TENM4: variants seen among roughly 807,000 people sequenced by gnomAD.
TENM4 encodes the protein teneurin transmembrane protein 4.
TENM4 carries 82 observed loss-of-function variants against 243.3 expected under a neutral mutation model. That is an observed-to-expected ratio of 0.34 (90% CI 0.28 to 0.40). The LOEUF (loss-of-function observed/expected upper bound fraction) is 0.40, where lower values mean the gene tolerates loss of function less well. Ranked by LOEUF, TENM4 falls within the 10% of genes least tolerant of loss-of-function variation. The pLI, the probability that TENM4 is intolerant of heterozygous loss-of-function variation, is 1.00. For synonymous variants in TENM4, 1,412 were observed against 1,456.3 expected, an observed-to-expected ratio of 0.97 and a Z score of 0.69; for missense variants, 3,138 against 3,673.3, an observed-to-expected ratio of 0.85 and a Z score of 3.77.
intron 1 of TENM4, among the ~76,000 whole-genome samples, chr11:79,406,907 G>A (rs1218670009): frequency 6.6e-6 from 1 of 152,170 alleles, no homozygotes; most frequent in African/African-American, 2.4e-5. Flanking sequence ...AAGCATATCT[G>A]TATCAAAAGG....
chr11:79,065,877 A>G (rs991993939), intron 5 of TENM4, among the ~76,000 whole-genome samples: 2 of 152,208 alleles, frequency 1.3e-5, no homozygotes, highest in Non-Finnish European at 2.9e-5. Context: ...TCACTCCTGC[A>G]TGTGAATTCA....
In TENM4 at chr11:79,215,807, C is replaced by T. The variant is rs1864041992; in HGVS notation, c.-163+1G>A. On this transcript the variant is annotated splice_donor_variant, in intron 3 of 33. Transcript: ENST00000278550. LOFTEE classifies it low-confidence loss of function (5UTR_SPLICE). ...AAATCAGAGCAGACAAGGGGACTGA[C>T]CTGGCTCCATGTCAGCACGTTCTGA... 4 of 985,936 alleles carry T rather than the reference C, an allele frequency of 4.1e-6. No homozygotes were observed. The highest frequency in any genetic ancestry group is 4.8e-6 in the Non-Finnish European group (4 of 829,980). 61.1% of individuals were successfully genotyped at this position (985,936 alleles called of 1,614,324 possible).
At chr11:79,370,423 A>G (rs1050051194) in intron 1 of TENM4, among the ~76,000 whole-genome samples, 1 of 152,224 alleles carries the variant, frequency 6.6e-6, no homozygotes, top group South Asian at 2.1e-4. Context: ...CCTGGGGGAA[A>G]CCTGCACTCA....
intron 1 of TENM4, among the ~76,000 whole-genome samples, chr11:79,302,257 A>G (rs1028964291): frequency 9.9e-5 from 15 of 152,228 alleles, no homozygotes; most frequent in African/African-American, 3.6e-4. Context: ...CCTGTCTTCA[A>G]ATGTGCAGGG....
chr11:79,148,803 C>T lies in TENM4; in HGVS notation c.-159G>A. The T allele has an allele frequency of 2.1e-6, 2 of 975,096 alleles. No individual in the cohort carries two copies. The highest frequency in any genetic ancestry group is 2.4e-6 in the Non-Finnish European group (2 of 820,538). 60.4% of individuals were successfully genotyped at this position (975,096 alleles called of 1,614,324 possible). On this transcript the variant is annotated 5_prime_UTR_variant, in exon 4 of 34. Coordinates refer to ENST00000278550, the MANE Select transcript of TENM4 (RefSeq NM_001098816.3). ...AATTTGGACACATGGTAATTTCAGT[C>T]TACCTGTTGAAAGAGACAAGAGACA...
chr11:79,066,503 C>T (rs1481137288), intron 5 of TENM4, among the ~76,000 whole-genome samples: 1 of 152,210 alleles, frequency 6.6e-6, no homozygotes, highest in Admixed American at 6.5e-5. Flanking sequence ...ACCTATCACA[C>T]CTGCTGCAGA....
intron 2 of TENM4, among the ~76,000 whole-genome samples, chr11:79,254,087 C>T (rs1051493639): frequency 2.6e-5 from 4 of 152,154 alleles, no homozygotes; most frequent in Admixed American, 2.0e-4. Flanking sequence ...ATGGGAGTGT[C>T]CACTGGTGAA....
At chr11:78,920,388 T>C (rs975394883) in intron 6 of TENM4, among the ~76,000 whole-genome samples, 1 of 152,220 alleles carries the variant, frequency 6.6e-6, no homozygotes, top group Non-Finnish European at 1.5e-5. Flanking sequence ...TAATGATCTG[T>C]GGATATTAAG....
chr11:79,216,349 T>C (rs1864050555), intron 2 of TENM4, among the ~76,000 whole-genome samples: 1 of 152,054 alleles, frequency 6.6e-6, no homozygotes, highest in African/African-American at 2.4e-5. Flanking sequence ...GTGATGGGAG[T>C]AGACAAGGAA....
intron 4 of TENM4, among the ~76,000 whole-genome samples, chr11:79,079,691 T>A (rs1860617201): frequency 6.6e-6 from 1 of 152,030 alleles, no homozygotes; most frequent in South Asian, 2.1e-4. Flanking sequence ...TAGCTGGGTG[T>A]GGTGGTCCAC....
At chr11:79,057,766 C>A (rs543147294) in intron 6 of TENM4, among the ~76,000 whole-genome samples, 1 of 152,274 alleles carries the variant, frequency 6.6e-6, no homozygotes, top group East Asian at 1.9e-4. Flanking sequence ...AGCTAACTTG[C>A]AAACCTTACC....
At chr11:79,366,309 T>G (rs1301841952) in intron 1 of TENM4, among the ~76,000 whole-genome samples, 1 of 152,228 alleles carries the variant, frequency 6.6e-6, no homozygotes, top group Non-Finnish European at 1.5e-5. Context: ...AGACCCAGGC[T>G]GGTTGGGCTC....
intron 2 of TENM4, among the ~76,000 whole-genome samples, chr11:79,219,513 T>A (rs1483760402): frequency 2.0e-5 from 3 of 152,336 alleles, no homozygotes; most frequent in African/African-American, 7.2e-5. Context: ...GGTGCTTTGA[T>A]GTTATTTAGC....
chr11:78,863,012 C>T lies in TENM4; in HGVS notation c.1205G>A (p.Gly402Glu), dbSNP rs371387619. The T allele has an allele frequency of 3.6e-5, 54 of 1,520,986 alleles. No individual in the cohort carries two copies. Among genetic ancestry groups the T allele is most frequent in the Non-Finnish European group, 4.6e-5 (52 of 1,123,512 alleles). 94.2% of individuals were successfully genotyped at this position (1,520,986 alleles called of 1,614,324 possible). A position where few individuals can be genotyped will look rare whatever the true frequency, so the allele number is the denominator to read the frequency against. ...VPTDVSLYPS[G>E]GTGLETPDRK... ...GTCAGGGGTCTCTAAGCCAGTGCCC[C>T]CTGAGGGGTATAGGGAGACGTCGGT... Residue 402 changes from glycine to glutamate, a missense_variant, in exon 10 of 34, where the codon GGG becomes GAG. Physicochemically the swap from Gly to Glu is moderately conservative, Grantham distance 98. Transcript: ENST00000278550.
At chr11:79,417,041 A>C (rs1024855576) in intron 1 of TENM4, among the ~76,000 whole-genome samples, 5 of 152,342 alleles carry the variant, frequency 3.3e-5, no homozygotes, top group Non-Finnish European at 7.3e-5. Context: ...TATAACATTA[A>C]GGGCAAAACA....
At position 78,862,998 on chromosome 11, in the gene TENM4, C is replaced by G; in HGVS notation, c.1219G>C (p.Glu407Gln). 6.6e-7 allele frequency: 1 copy of G among 1,505,060 alleles called. No homozygotes were observed. Among genetic ancestry groups the G allele is most frequent in the Non-Finnish European group, 9.0e-7 (1 of 1,112,450 alleles). The allele number at this position is 1,505,060 out of a possible 1,614,324, so 93.2% of individuals were successfully genotyped here. Reference protein sequence around the residue: ...SLYPSGGTGLETPDRKGKGTT... With the variant: ...SLYPSGGTGLQTPDRKGKGTT... Reference sequence around the variant, plus strand: ...CCTTTGCCTTTCCTGTCAGGGGTCTCTAAGCCAGTGCCCCCTGAGGGGTAT... The same window carrying G: ...CCTTTGCCTTTCCTGTCAGGGGTCTGTAAGCCAGTGCCCCCTGAGGGGTAT... Residue 407 changes from glutamate (E) to glutamine (Q), a missense_variant, in exon 10 of 34, where the codon GAG (glutamate) becomes CAG (glutamine). Physicochemically the swap from Glu to Gln is conservative, Grantham distance 29. Around this residue, in one of 2 missense-constraint regions of TENM4, gnomAD observed 671 missense variants for 614.1 expected, o/e 1.09. Transcript: ENST00000278550.
chr11:78,879,178 G>A lies in TENM4; in HGVS notation c.1084+10607C>T, dbSNP rs1272544381. Among the ~76,000 whole-genome samples, 6 of 149,160 alleles carry A rather than the reference G, an allele frequency of 4.0e-5. 1 individual carries two copies. The highest frequency in any genetic ancestry group is 1.0e-4 in the African/African-American group (4 of 40,040). The stretch of plus-strand genomic sequence containing the variant: ...CCACCCCGTCTGGGATGTGAGGAGC[G>A]CCTCTGCCCAGCCGCCACCCCGTCT... On this transcript the variant is annotated intron_variant, in intron 9 of 33. Transcript: ENST00000278550.
chr11:79,164,572 C>CTATATATATACA (rs1555020357), intron 3 of TENM4, among the ~76,000 whole-genome samples: 1 of 124,778 alleles, frequency 8.0e-6, no homozygotes, highest in Non-Finnish European at 1.6e-5. Context: ...ATACTATATA[C>CTATATATATACA]TATATATATA....
chr11:78,853,875 C>G (rs928404630), intron 12 of TENM4, among the ~76,000 whole-genome samples: 10 of 152,190 alleles, frequency 6.6e-5, no homozygotes, highest in African/African-American at 2.4e-4. Flanking sequence ...GCACACCAAC[C>G]ACAGACAGCA....
Sources: allele counts gnomAD v4.1 joint callset (sites outside exome capture counted in the v4.1 genomes callset), GRCh38; gene constraint gnomAD v4.1.1; regional missense constraint gnomAD v4.1.1; transcripts MANE v1.5; gene names NCBI Gene and HGNC (gene_info 2026-07-23, HGNC 2026-07-21).